The following TG variants were observed in gnomAD, a reference collection of about 807,000 sequenced individuals.
The protein encoded by TG is thyroglobulin, also known as thyroid hormones.
TG carries 270 observed loss-of-function variants against 324.7 expected under a neutral mutation model. The ratio of observed to expected loss-of-function variants is 0.83; its 90% CI spans 0.75 to 0.92. TG has a LOEUF of 0.92. Ranked by LOEUF, TG falls within the 40% of genes least tolerant of loss-of-function variation. TG has a pLI of 0.00. For synonymous variants in TG, 1,401 were observed against 1,327.0 expected, an observed-to-expected ratio of 1.06 and a Z score of -1.21; for missense variants, 3,591 against 3,456.4, an observed-to-expected ratio of 1.04 and a Z score of -0.98.
At position 132,929,133 on chromosome 8, in the gene TG, C is replaced by A. The variant is rs921787654; in HGVS notation, c.4757C>A (p.Pro1586His). 1.9e-5 allele frequency: 30 copies of A among 1,614,026 alleles called. No homozygotes were observed. The highest frequency in any genetic ancestry group is 2.5e-5 in the Non-Finnish European group (30 of 1,180,028). Residue 1586 changes from proline to histidine, a missense_variant, in exon 23 of 48, where the codon CCT (proline) becomes CAT (histidine). By Grantham distance (77) the Pro-to-His change is moderately conservative. Transcript: ENST00000220616. ...AAGGTGATCTTCGACGCCAATGCTC[C>A]TGTGGCTGTCAGATCCAAAGTTCCT... is the stretch of plus-strand genomic sequence containing the variant. Reference protein sequence around the residue: ...ESKVIFDANAPVAVRSKVPDS... With the variant: ...ESKVIFDANAHVAVRSKVPDS...
In TG at chr8:132,878,962, G is replaced by A. The variant is rs1029223453; in HGVS notation, c.639-2901G>A. ...CAGCTTTCATCAGGGCTTTGGGTTC[G>A]GTCTCAGTAGTTTGACTTCTTTTGG... On this transcript the variant is annotated intron_variant, in intron 5 of 47. Transcript: ENST00000220616. 3.3e-5 allele frequency among the ~76,000 whole-genome samples: 5 copies of A among 152,148 alleles called. No homozygotes were observed. The East Asian group carries it at 5.8e-4, about 18-fold the overall frequency.
chr8:133,038,500 A>G (rs1314684273), intron 41 of TG: 3 of 1,555,950 alleles, frequency 1.9e-6, no homozygotes, highest in East Asian at 2.2e-5. Flanking sequence ...CCTTTTGGGC[A>G]TGAACCATTG....
At chr8:132,917,789 G>T (rs572001204) in intron 20 of TG, among the ~76,000 whole-genome samples, 56 of 152,146 alleles carry the variant, frequency 3.7e-4, no homozygotes, top group African/African-American at 1.3e-3. Context: ...GTTGGCAGGA[G>T]GGGTGGCCTG....
chr8:132,955,833 TCTC>T (rs1350814083), intron 27 of TG, among the ~76,000 whole-genome samples: 9 of 152,148 alleles, frequency 5.9e-5, no homozygotes, highest in African/African-American at 1.9e-4. Flanking sequence ...CAGCGCATGA[TCTC>T]CTCAGAAGTT....
intron 41 of TG, among the ~76,000 whole-genome samples, chr8:133,084,768 G>T (rs757729390): frequency 1.3e-5 from 2 of 152,230 alleles, no homozygotes; most frequent in African/African-American, 2.4e-5. Context: ...CAGGGGCCTG[G>T]GAAGGCCTCC....
intron 32 of TG, 105 bp downstream of exon 32, chr8:132,969,674 A>G: frequency 1.1e-6 from 1 of 878,706 alleles, no homozygotes; most frequent in Non-Finnish European, 1.9e-6. Context: ...GCACTTTGGG[A>G]GGCCGAGCTG....
At chr8:133,116,854 C>T (rs1223451863) in intron 45 of TG, 138 bp downstream of exon 45, 4 of 742,818 alleles carry the variant, frequency 5.4e-6, no homozygotes, top group Admixed American at 4.1e-5. Flanking sequence ...GTAGTAGCCA[C>T]TTCATCTCAC....
At chr8:132,961,174 T>C in intron 28 of TG, 101 bp downstream of exon 28, 1 of 1,194,576 alleles carries the variant, frequency 8.4e-7, no homozygotes, top group Non-Finnish European at 1.2e-6. Flanking sequence ...TGTAGAGGAA[T>C]AGGTAGAGAG....
At chr8:132,976,108 A>C (rs1830139910) in intron 34 of TG, among the ~76,000 whole-genome samples, 1 of 152,236 alleles carries the variant, frequency 6.6e-6, no homozygotes, top group Admixed American at 6.5e-5. Flanking sequence ...TAGAACACTT[A>C]TCAGTAAAGT....
intron 35 of TG, 104 bp downstream of exon 35, chr8:132,983,516 C>CTTTTGT (rs1831160138): frequency 7.0e-6 from 8 of 1,146,088 alleles, no homozygotes; most frequent in Non-Finnish European, 1.1e-5. Context: ...GCTTGCATAT[C>CTTTTGT]ACTCGCATTA....
chr8:132,993,359 A>C (rs1238691470), intron 35 of TG, among the ~76,000 whole-genome samples: 6 of 152,162 alleles, frequency 3.9e-5, no homozygotes, highest in African/African-American at 1.4e-4. Flanking sequence ...TCCCTTTGGC[A>C]CTCCTTAAGT....
At chr8:132,912,904 C>A in intron 19 of TG, 143 bp from the exon 20 acceptor site, 1 of 825,586 alleles carries the variant, frequency 1.2e-6, no homozygotes, top group Non-Finnish European at 2.0e-6. Context: ...GGCCTCAGTT[C>A]CTCCCTCTGT....
chr8:133,096,439 T>A, intron 43 of TG, 66 bp downstream of exon 43: 2 of 1,586,342 alleles, frequency 1.3e-6, no homozygotes, highest in Non-Finnish European at 1.7e-6. Flanking sequence ...GACCTCAATG[T>A]CTGACTTGAT....
chr8:132,988,669 A>G (rs150864948), intron 35 of TG: 1 of 977,932 alleles, frequency 1.0e-6, no homozygotes, highest in East Asian at 1.1e-4. Context: ...GTAAATATAT[A>G]TTTTCTTTGT....
At chr8:132,976,965 A>G (rs554762631) in intron 34 of TG, among the ~76,000 whole-genome samples, 2 of 152,324 alleles carry the variant, frequency 1.3e-5, no homozygotes, top group South Asian at 2.1e-4. Flanking sequence ...GGTTTAATAA[A>G]TTACAGTATT....
rs765581511 is a variant in TG, at chr8:132,883,017, G to A, written c.1075+18G>A. 3 of 1,612,140 alleles carry A rather than the reference G, an allele frequency of 1.9e-6. No homozygotes were observed. The highest frequency in any genetic ancestry group is 3.3e-5 in the Admixed American group (2 of 59,802). ...ATCTTGTGGTGGGTTTCCTCTGGGG[G>A]CTTCCTCTTTCGGCCTCGGATCATA... On this transcript the variant is annotated intron_variant, in intron 8 of 47. Transcript: ENST00000220616.
chr8:132,928,535 A>G (rs1351569162), intron 22 of TG, among the ~76,000 whole-genome samples: 1 of 152,216 alleles, frequency 6.6e-6, no homozygotes, highest in Non-Finnish European at 1.5e-5. Context: ...TATTCCTATC[A>G]AATGGAACTC....
chr8:132,989,988 T>C (rs1269981016), intron 35 of TG, among the ~76,000 whole-genome samples: 1 of 151,960 alleles, frequency 6.6e-6, no homozygotes, highest in Non-Finnish European at 1.5e-5. Flanking sequence ...CAGGCTTTTG[T>C]TGAAGAGCAG....
chr8:133,035,664 T>C (rs1367834005), intron 41 of TG, among the ~76,000 whole-genome samples: 1 of 152,242 alleles, frequency 6.6e-6, no homozygotes, highest in Non-Finnish European at 1.5e-5. Flanking sequence ...AATGTTTTGT[T>C]CCTTTTGCAC....
Sources: allele counts gnomAD v4.1 joint callset (sites outside exome capture counted in the v4.1 genomes callset), GRCh38; gene constraint gnomAD v4.1.1; transcripts MANE v1.5; gene names NCBI Gene and HGNC (gene_info 2026-07-23, HGNC 2026-07-21).